The following WFDC9 variants were observed in gnomAD, a reference collection of about 807,000 sequenced individuals.
WFDC9 encodes protein WFDC9.
WFDC9 carries 9 observed loss-of-function variants against 9.5 expected under a neutral mutation model. The ratio of observed to expected loss-of-function variants is 0.95; its 90% CI spans 0.57 to 1.65. WFDC9 has a LOEUF of 1.65. WFDC9 is among the 40% of genes most tolerant of loss of function. WFDC9 has a pLI of 0.00. For synonymous variants in WFDC9, 33 were observed against 32.3 expected (o/e 1.02, Z -0.07); for missense variants, 87 against 106.7 (o/e 0.82, Z 0.81).
At chr20:45,609,945 G>A (rs546215437) in intron 3 of WFDC9, 146 bp downstream of exon 3, 1 of 598,048 alleles carries the variant, frequency 1.7e-6, no homozygotes, top group South Asian at 2.5e-5. Flanking sequence ...TAAAGGAATT[G>A]GGAATATCTA....
intron 4 of WFDC9, among the ~76,000 whole-genome samples, 166 bp from the exon 5 acceptor site, chr20:45,608,306 C>G (rs962537515): frequency 2.6e-5 from 4 of 152,192 alleles, no homozygotes; most frequent in Non-Finnish European, 5.9e-5. Flanking sequence ...ACTGAACAGA[C>G]AGATAGATAC....
chr20:45,608,019 G>C lies in WFDC9; in HGVS notation c.*91C>G, dbSNP rs1157670276. The stretch of plus-strand genomic sequence containing the variant: ...AATAGCAGAAAGGTTACCAGCTAGA[G>C]CCAGTGGGTGTCCCAAGAAGGAAGT... On this transcript the variant is annotated 3_prime_UTR_variant, in exon 5 of 5. Coordinates refer to ENST00000326000, the MANE Select transcript of WFDC9 (RefSeq NM_147198.4). 5 of 1,432,414 alleles carry C rather than the reference G, an allele frequency of 3.5e-6. No homozygotes were observed. The highest frequency in any genetic ancestry group is 3.9e-6 in the Non-Finnish European group (4 of 1,020,482). 88.7% of individuals were successfully genotyped at this position (1,432,414 alleles called of 1,614,324 possible).
At chr20:45,610,274 G>C (rs1313077716) in intron 2 of WFDC9, 35 bp from the exon 3 acceptor site, 18 of 1,113,232 alleles carry the variant, frequency 1.6e-5, no homozygotes, top group Non-Finnish European at 2.4e-5. Flanking sequence ...AGGAGAACAG[G>C]GTAAGCAACA....
At chr20:45,611,779 A>T (rs1012807406) in intron 2 of WFDC9, among the ~76,000 whole-genome samples, 4 of 152,180 alleles carry the variant, frequency 2.6e-5, no homozygotes, top group Non-Finnish European at 5.9e-5. Flanking sequence ...AATTGCCGCC[A>T]CATTTCTCTC....
intron 1 of WFDC9, among the ~76,000 whole-genome samples, chr20:45,627,462 A>G (rs3092362): frequency 0.58 from 88,616 of 151,766 alleles, 26,869 homozygotes; most frequent in East Asian, 0.98. Flanking sequence ...CTTTTGTTTC[A>G]GGGGAGACTT....
chr20:45,609,905 G>C (rs973602853), intron 3 of WFDC9, among the ~76,000 whole-genome samples, 186 bp downstream of exon 3: 5 of 152,118 alleles, frequency 3.3e-5, no homozygotes, highest in African/African-American at 1.2e-4. Context: ...CACATACCTA[G>C]TGTTGCTTTC....
intron 4 of WFDC9, among the ~76,000 whole-genome samples, chr20:45,608,419 G>T (rs6094179): frequency 0.022 from 3,414 of 152,184 alleles, 140 homozygotes; most frequent in African/African-American, 0.079. Flanking sequence ...ATGAACTGTT[G>T]GGTGATATGT....
intron 1 of WFDC9, chr20:45,630,003 G>A (rs1255876975): frequency 6.7e-7 from 1 of 1,488,704 alleles, no homozygotes; most frequent in Non-Finnish European, 9.1e-7. Flanking sequence ...GAAACTCTCT[G>A]CATATCCAGC....
At chr20:45,630,309 T>C (rs1440319174) in intron 1 of WFDC9, among the ~76,000 whole-genome samples, 1 of 150,104 alleles carries the variant, frequency 6.7e-6, no homozygotes, top group African/African-American at 2.5e-5. Context: ...TGTAGGGAAA[T>C]AGGACATAAG....
chr20:45,617,460 A>C (rs1018913059), intron 1 of WFDC9, among the ~76,000 whole-genome samples: 1 of 152,194 alleles, frequency 6.6e-6, no homozygotes, highest in Non-Finnish European at 1.5e-5. Context: ...ATCTCAAAAA[A>C]AATTTAAAAA....
At chr20:45,625,796 G>C (rs1033766252) in intron 1 of WFDC9, among the ~76,000 whole-genome samples, 2 of 105,732 alleles carry the variant, frequency 1.9e-5, no homozygotes, top group African/African-American at 7.5e-5. Context: ...TTTATTTCTA[G>C]GTTCTCTATT....
intron 1 of WFDC9, among the ~76,000 whole-genome samples, chr20:45,622,134 C>T (rs1041818930): frequency 6.1e-5 from 9 of 148,188 alleles, no homozygotes; most frequent in African/African-American, 1.2e-4. Flanking sequence ...CCTCATAGTT[C>T]AGGATGTAAA....
chr20:45,630,234 ATTT>A (rs1245187971), intron 1 of WFDC9, among the ~76,000 whole-genome samples: 1 of 131,094 alleles, frequency 7.6e-6, no homozygotes, highest in South Asian at 2.6e-4. Context: ...ATTTATGCAC[ATTT>A]GTGAGGAGTA....
intron 2 of WFDC9, among the ~76,000 whole-genome samples, chr20:45,611,254 G>A (rs1362940224): frequency 6.6e-6 from 1 of 152,106 alleles, no homozygotes; most frequent in Non-Finnish European, 1.5e-5. Flanking sequence ...AGAGTGGGTG[G>A]AGGAATAGAA....
chr20:45,621,091 G>GTCTTCTACT (rs1982087674), intron 1 of WFDC9, among the ~76,000 whole-genome samples: 1 of 152,068 alleles, frequency 6.6e-6, no homozygotes, highest in South Asian at 2.1e-4. Context: ...TCTATTGGAT[G>GTCTTCTACT]AATGAAATAT....
intron 1 of WFDC9, among the ~76,000 whole-genome samples, chr20:45,615,268 G>A (rs548961081): frequency 1.3e-5 from 2 of 152,280 alleles, no homozygotes; most frequent in African/African-American, 2.4e-5. Flanking sequence ...GTTGGTTGAG[G>A]TGCAGAGGGA....
rs1415841387 is a variant in WFDC9, at chr20:45,610,087, C to A, written c.91+4G>T. 2 of 1,613,706 alleles carry A rather than the reference C, an allele frequency of 1.2e-6. No homozygotes were observed. Among genetic ancestry groups the A allele is most frequent in the Admixed American group, 1.7e-5 (1 of 59,992 alleles). ...AGCACCCCGTCCCTTTTCACACCAC[C>A]CACAGGGATCTTTGTTCCAGAAGCT... On this transcript the variant is annotated splice_donor_region_variant and intron_variant, in intron 3 of 4. Coordinates refer to ENST00000326000, the MANE Select transcript of WFDC9 (RefSeq NM_147198.4).
Position 45,608,068 on chromosome 20 carries a change from A to G in WFDC9, c.*42T>C, listed in dbSNP as rs375799788. On this transcript the variant is annotated 3_prime_UTR_variant, in exon 5 of 5. Transcript: ENST00000326000. ...GTAGGCAGCACTCTTCTTAGACCAG[A>G]TGGTCATCCTTCAGCCCACAGTAGT... 10 of 1,611,484 alleles carry G rather than the reference A, an allele frequency of 6.2e-6. No homozygotes were observed. Among genetic ancestry groups the G allele is most frequent in the Non-Finnish European group, 8.5e-6 (10 of 1,178,346 alleles).
At chr20:45,621,270 A>C (rs1304856444) in intron 1 of WFDC9, among the ~76,000 whole-genome samples, 2 of 152,170 alleles carry the variant, frequency 1.3e-5, no homozygotes, top group Non-Finnish European at 2.9e-5. Context: ...TTACCTTCTG[A>C]CCTTGATATT....
Sources: allele counts gnomAD v4.1 joint callset (sites outside exome capture counted in the v4.1 genomes callset), GRCh38; gene constraint gnomAD v4.1.1; transcripts MANE v1.5; gene names NCBI Gene and HGNC (gene_info 2026-07-23, HGNC 2026-07-21).